Variants in NATD1 observed in about 807,000 individuals in gnomAD.
The protein encoded by NATD1 is protein NATD1.
Under a neutral mutation model 12.0 loss-of-function variants are expected in NATD1, and 9 were observed. The ratio of observed to expected loss-of-function variants is 0.75; its 90% CI spans 0.45 to 1.30. The LOEUF is 1.30. NATD1 is among the 50% of genes most tolerant of loss of function. The pLI is 0.00. For synonymous variants in NATD1, 71 were observed against 65.9 expected, an observed-to-expected ratio of 1.08 and a Z score of -0.37; for missense variants, 148 against 148.5, an observed-to-expected ratio of 1.00 and a Z score of 0.02.
intron 1 of NATD1, among the ~76,000 whole-genome samples, chr17:21,246,263 C>T (rs1219242874): frequency 2.0e-5 from 3 of 152,096 alleles, no homozygotes; most frequent in Admixed American, 2.0e-4. Flanking sequence ...CCTATAATCC[C>T]AGCACTTTGG....
In NATD1 at chr17:21,241,265, G is replaced by C. The variant is rs545769895; in HGVS notation, c.*2048C>G. 6.6e-6 allele frequency: 1 copy of C among 152,286 alleles called. No individual in the cohort carries two copies. The highest frequency in any genetic ancestry group is 2.1e-4 in the South Asian group (1 of 4,834). 9.4% of individuals were successfully genotyped at this position (152,286 alleles called of 1,614,324 possible). A position where few individuals can be genotyped will look rare whatever the true frequency, so the allele number is the denominator to read the frequency against. ...CTGTCACTGCAAGGGACCCTCCTGC[G>C]GATGGGCTGGAGGCCACAGGGACAT... is the stretch of plus-strand genomic sequence containing the variant. On this transcript the variant is annotated 3_prime_UTR_variant, in exon 3 of 3. Coordinates refer to ENST00000611551, the MANE Select transcript of NATD1 (RefSeq NM_152914.3).
rs1013905352 is a variant in NATD1, at chr17:21,239,247, G to A, written c.*4066C>T. On this transcript the variant is annotated 3_prime_UTR_variant, in exon 3 of 3. Coordinates refer to ENST00000611551, the MANE Select transcript of NATD1 (RefSeq NM_152914.3). ...TGGCTCGAGGCAGGACCCCCCCGCA[G>A]CCTTGCAGCTGAGTGGGAAGTTGCT... 2.6e-5 allele frequency: 4 copies of A among 151,962 alleles called. No homozygotes were observed. Among genetic ancestry groups the A allele is most frequent in the African/African-American group, 9.7e-5 (4 of 41,330 alleles). 9.4% of individuals were successfully genotyped at this position (151,962 alleles called of 1,614,324 possible).
Position 21,253,182 on chromosome 17 carries a change from C to T in NATD1, c.83G>A (p.Arg28His), listed in dbSNP as rs1304054032. 2 of 1,015,626 alleles carry T rather than the reference C, an allele frequency of 2.0e-6. No individual in the cohort carries two copies. Among genetic ancestry groups the T allele is most frequent in the South Asian group, 4.3e-5 (1 of 23,108 alleles). 62.9% of individuals were successfully genotyped at this position (1,015,626 alleles called of 1,614,324 possible). The change falls in exon 1 of 3, where the codon CGC (arginine) becomes CAC (histidine). Residue 28 changes from arginine (R) to histidine (H), a missense_variant. By Grantham distance (29) the Arg-to-His change is conservative. Coordinates refer to ENST00000611551, the MANE Select transcript of NATD1 (RefSeq NM_152914.3). ...PIRVEHDRRR[R>H]QFTVRLNGCH... is the part of the protein sequence containing the mutation. ...ACCGTTGAGCCGGACAGTGAACTGG[C>T]GGCGCCGGCGGTCGTGCTCCACGCG...
At chr17:21,246,931 G>A (rs142456828) in intron 1 of NATD1, among the ~76,000 whole-genome samples, 2 of 152,340 alleles carry the variant, frequency 1.3e-5, no homozygotes, top group African/African-American at 4.8e-5. Context: ...AACAAGCCGG[G>A]AGTGAGGGTT....
At chr17:21,251,527 T>C (rs1469483515) in intron 1 of NATD1, among the ~76,000 whole-genome samples, 1 of 152,198 alleles carries the variant, frequency 6.6e-6, no homozygotes. Flanking sequence ...GTAGGGTTGG[T>C]TGGGCCAATG....
At position 21,253,331 on chromosome 17, in the gene NATD1, G is replaced by C; in HGVS notation, c.-67C>G. ...CGCGCGGGGAAAGGTCAGGCGCGCGGCGGGGCTGGAGCGCGGGCGCAGGCG... is the reference window on the plus strand; with the variant it reads ...CGCGCGGGGAAAGGTCAGGCGCGCGCCGGGGCTGGAGCGCGGGCGCAGGCG... On this transcript the variant is annotated 5_prime_UTR_variant, in exon 1 of 3. Transcript: ENST00000611551. 1.4e-6 allele frequency: 1 copy of C among 708,436 alleles called. No homozygotes were observed. The highest frequency in any genetic ancestry group is 1.7e-6 in the Non-Finnish European group (1 of 577,992). The allele number at this position is 708,436 out of a possible 1,614,324, so 43.9% of individuals were successfully genotyped here.
At chr17:21,245,485 C>T (rs755508718) in intron 1 of NATD1, among the ~76,000 whole-genome samples, 4 of 152,198 alleles carry the variant, frequency 2.6e-5, no homozygotes, top group Non-Finnish European at 5.9e-5. Flanking sequence ...AGTCCAGGGC[C>T]ACCGGAACTG....
chr17:21,248,684 G>A (rs1323340047), intron 1 of NATD1, among the ~76,000 whole-genome samples: 1 of 152,126 alleles, frequency 6.6e-6, no homozygotes, highest in Non-Finnish European at 1.5e-5. Context: ...TAGCCTCTGG[G>A]CCTGGCCCAG....
chr17:21,248,847 T>C (rs934743549), intron 1 of NATD1, among the ~76,000 whole-genome samples: 4 of 152,150 alleles, frequency 2.6e-5, no homozygotes, highest in South Asian at 2.1e-4. Flanking sequence ...GGTGATCTTA[T>C]GCCAGTCCTG....
Position 21,243,141 on chromosome 17 carries a change from C to A in NATD1, c.*172G>T. On this transcript the variant is annotated 3_prime_UTR_variant, in exon 3 of 3. Transcript: ENST00000611551. ...GCCGCCTCGGTTACCGGGTCACCGC[C>A]CATCATTGGTCAGCTGCCTCCAGGG... 1.7e-6 allele frequency: 1 copy of A among 577,354 alleles called. No homozygotes were observed. The highest frequency in any genetic ancestry group is 3.0e-5 in the Admixed American group (1 of 33,206). 35.8% of individuals were successfully genotyped at this position (577,354 alleles called of 1,614,324 possible). A position where few individuals can be genotyped will look rare whatever the true frequency, so the allele number is the denominator to read the frequency against.
chr17:21,250,072 T>C (rs1366180768), intron 1 of NATD1, among the ~76,000 whole-genome samples: 2 of 152,222 alleles, frequency 1.3e-5, no homozygotes, highest in East Asian at 1.9e-4. Flanking sequence ...TTTGCTCCCC[T>C]TAGAGCAGCA....
chr17:21,246,016 C>T (rs936914210), intron 1 of NATD1, among the ~76,000 whole-genome samples: 2 of 152,176 alleles, frequency 1.3e-5, no homozygotes, highest in African/African-American at 4.8e-5. Flanking sequence ...GAGCAGAGAT[C>T]GGAGGCTATT....
At chr17:21,248,939 A>G (rs893749749) in intron 1 of NATD1, among the ~76,000 whole-genome samples, 1 of 152,004 alleles carries the variant, frequency 6.6e-6, no homozygotes, top group Non-Finnish European at 1.5e-5. Context: ...GAACCCCACC[A>G]GCATCACGTG....
Position 21,244,158 on chromosome 17 carries a change from G to A in NATD1, c.173C>T (p.Thr58Ile). Residue 58 changes from threonine to isoleucine, a missense_variant, in exon 2 of 3, where the codon ACC (threonine) becomes ATC (isoleucine). Transcript: ENST00000611551. This position sits in a 1 kb window ranked among gnomAD's most constrained non-coding sequence, Gnocchi z 5.2. Reference sequence around the variant, plus strand: ...CCCACGGTAGGCATCTGGGACCTCGGTGTGCTGCAGGTCCACGATCCGCTT... The same window carrying A: ...CCCACGGTAGGCATCTGGGACCTCGATGTGCTGCAGGTCCACGATCCGCTT... ...VGKRIVDLQH[T>I]EVPDAYRGRG... The A allele has an allele frequency of 6.2e-7, 1 of 1,613,178 alleles. No homozygotes were observed. The highest frequency in any genetic ancestry group is 8.5e-7 in the Non-Finnish European group (1 of 1,179,842).
intron 1 of NATD1, among the ~76,000 whole-genome samples, chr17:21,251,305 A>AAAC (rs1555544849): frequency 5.9e-5 from 9 of 151,738 alleles, no homozygotes; most frequent in African/African-American, 2.2e-4. Flanking sequence ...AAAAAAAAAA[A>AAAC]AAAAAACAAA....
At chr17:21,253,020 C>A in intron 1 of NATD1, 139 bp downstream of exon 1, 1 of 295,350 alleles carries the variant, frequency 3.4e-6, no homozygotes, top group Non-Finnish European at 5.0e-6. Context: ...CCGCGGCGCG[C>A]GCTTGCAACA....
At chr17:21,249,115 CA>C (rs1309768390) in intron 1 of NATD1, among the ~76,000 whole-genome samples, 3 of 152,002 alleles carry the variant, frequency 2.0e-5, no homozygotes, top group Non-Finnish European at 2.9e-5. Flanking sequence ...AGACAGGGGA[CA>C]GGGGCAGGAC....
chr17:21,253,361 G>T lies in NATD1; in HGVS notation c.-97C>A. ...GCTGGAGCGCGGGCGCAGGCGGCAGGCGGTGGGGTAGTTACGGCCTGGGAG... is the reference window on the plus strand; with the variant it reads ...GCTGGAGCGCGGGCGCAGGCGGCAGTCGGTGGGGTAGTTACGGCCTGGGAG... On this transcript the variant is annotated 5_prime_UTR_variant, in exon 1 of 3. Coordinates refer to ENST00000611551, the MANE Select transcript of NATD1 (RefSeq NM_152914.3). 2.6e-6 allele frequency: 1 copy of T among 381,392 alleles called. No homozygotes were observed. The highest frequency in any genetic ancestry group is 3.6e-6 in the Non-Finnish European group (1 of 278,940). The allele number at this position is 381,392 out of a possible 1,614,324, so 23.6% of individuals were successfully genotyped here. A position where few individuals can be genotyped will look rare whatever the true frequency, so the allele number is the denominator to read the frequency against.
intron 1 of NATD1, among the ~76,000 whole-genome samples, chr17:21,249,619 G>A (rs1975358085): frequency 6.6e-6 from 1 of 152,186 alleles, no homozygotes; most frequent in African/African-American, 2.4e-5. Flanking sequence ...TGCAAAATGG[G>A]GGTTAGGGAG....
Sources: gnomAD v4.1 joint callset for allele counts (sites outside exome capture counted in the v4.1 genomes callset) on GRCh38, gnomAD v4.1.1 for gene constraint, Gnocchi (gnomAD v3.1) non-coding constraint, MANE v1.5 for transcripts, NCBI Gene and HGNC (gene_info 2026-07-23, HGNC 2026-07-21) for gene names.